Variants in MYO1E observed in about 807,000 individuals in gnomAD.
The protein encoded by MYO1E is unconventional myosin-Ie.
MYO1E carries 68 observed loss-of-function variants against 151.1 expected under a neutral mutation model. The observed-to-expected ratio is 0.45, with a 90% CI of 0.37 to 0.55. MYO1E has a LOEUF of 0.55. Ranked by LOEUF, MYO1E falls within the 20% of genes least tolerant of loss-of-function variation. The pLI is 0.00. For missense variants in MYO1E, 1,363 were observed against 1,389.3 expected, an observed-to-expected ratio of 0.98 and a Z score of 0.30; for synonymous variants, 601 against 501.7, an observed-to-expected ratio of 1.20 and a Z score of -2.64.
chr15:59,219,846 T>C (rs1223178680), intron 9 of MYO1E, among the ~76,000 whole-genome samples: 4 of 152,212 alleles, frequency 2.6e-5, no homozygotes, highest in African/African-American at 7.2e-5. Context: ...AAGTGGATAT[T>C]TGGAGCACTT....
rs553239739 is a variant in MYO1E at position 59,312,193 on chromosome 15, T to A, written c.4-39744A>T. 2.5e-4 allele frequency among the ~76,000 whole-genome samples: 38 copies of A among 152,310 alleles called. No individual in the cohort carries two copies. The South Asian group carries it at 7.9e-3, about 32-fold the overall frequency. ...TAAGAGCATCTAAGGGATGATCGTG[T>A]TCACAAATCAAATCAGTTCAGTCTA... On this transcript the variant is annotated intron_variant, in intron 1 of 27. Transcript: ENST00000288235.
chr15:59,287,524 G>C (rs548565567), intron 1 of MYO1E, among the ~76,000 whole-genome samples: 12 of 152,214 alleles, frequency 7.9e-5, no homozygotes, highest in Non-Finnish European at 1.5e-4. Context: ...CAAATAGGTA[G>C]ATTCTGCCTT....
chr15:59,182,061 A>T lies in MYO1E; in HGVS notation c.1905-3524T>A, dbSNP rs556593853. Among the ~76,000 whole-genome samples, 603 of 151,880 alleles carry T rather than the reference A, an allele frequency of 4.0e-3. 4 individuals are homozygous for T. The highest frequency in any genetic ancestry group is 0.014 in the South Asian group (66 of 4,810). On this transcript the variant is annotated intron_variant, in intron 18 of 27. Transcript: ENST00000288235. ...AAAATTGTGTTCTCTCCAGAGAAAT[A>T]CCCCCGCCCACTGATATAGTGGGAC... is the stretch of plus-strand genomic sequence containing the variant.
At position 59,191,061 on chromosome 15, in the gene MYO1E, G is replaced by C. The variant is rs534748286; in HGVS notation, c.1806-2845C>G. Reference sequence around the variant, plus strand: ...TGGCTGATGGGAAGGATGTCACAATGGGAGTGGTGTTTAAGAGTCTCCAGT... The same window carrying C: ...TGGCTGATGGGAAGGATGTCACAATCGGAGTGGTGTTTAAGAGTCTCCAGT... On this transcript the variant is annotated intron_variant, in intron 17 of 27. Transcript: ENST00000288235. Among the ~76,000 whole-genome samples the C allele has an allele frequency of 5.9e-5, 9 of 152,258 alleles. No individual in the cohort carries two copies. The South Asian group carries it at 1.9e-3, about 32-fold the overall frequency.
At chr15:59,320,580 T>C (rs1432064644) in intron 1 of MYO1E, among the ~76,000 whole-genome samples, 2 of 152,156 alleles carry the variant, frequency 1.3e-5, no homozygotes, top group Non-Finnish European at 2.9e-5. Context: ...AAATAAGCAA[T>C]GTGGAAAGAA....
At position 59,171,976 on chromosome 15, in the gene MYO1E, G is replaced by C; in HGVS notation, c.2401C>G (p.Gln801Glu). 1 of 1,614,208 alleles carries C rather than the reference G, an allele frequency of 6.2e-7. No individual in the cohort carries two copies. Among genetic ancestry groups the C allele is most frequent in the Non-Finnish European group, 8.5e-7 (1 of 1,180,040 alleles). Residue 801 changes from glutamine (Q) to glutamate (E), a missense_variant, in exon 22 of 28, where the codon CAG becomes GAG. Coordinates refer to ENST00000288235, the MANE Select transcript of MYO1E (RefSeq NM_004998.4). The part of the protein sequence containing the change: ...LYLIGREKVK[Q>E]GPDKGLVKEV... ...TTCACCAGGCCCTTGTCTGGGCCCT[G>C]TTTGACTTTTTCTCGTCCGATTAAG...
chr15:59,178,354 G>A (rs755420051), intron 19 of MYO1E, 39 bp downstream of exon 19: 37 of 1,611,552 alleles, frequency 2.3e-5, no homozygotes, highest in South Asian at 2.2e-4. Context: ...CGGGGGCCCC[G>A]CGGGAGGGAA....
chr15:59,158,170 G>A, intron 25 of MYO1E, 117 bp downstream of exon 25: 2 of 918,496 alleles, frequency 2.2e-6, no homozygotes, highest in Non-Finnish European at 3.5e-6. Flanking sequence ...CACTGAAATG[G>A]TCCATGCCTG....
At chr15:59,296,617 G>A (rs1040833003) in intron 1 of MYO1E, among the ~76,000 whole-genome samples, 12 of 152,106 alleles carry the variant, frequency 7.9e-5, no homozygotes, top group Non-Finnish European at 1.5e-4. Context: ...ACATCAACTG[G>A]AGTGACTTGA....
chr15:59,199,834 T>A lies in MYO1E; in HGVS notation c.1698+2492A>T, dbSNP rs143716391. Among the ~76,000 whole-genome samples, 515 of 152,308 alleles carry A rather than the reference T, an allele frequency of 3.4e-3. 3 individuals carry two copies. The highest frequency in any genetic ancestry group is 0.012 in the African/African-American group (499 of 41,558). On this transcript the variant is annotated intron_variant, in intron 16 of 27. Transcript: ENST00000288235. Reference sequence around the variant, plus strand: ...TGACAATGATGTCTGCAAATTACTGTAGATATGGAACGTATCAGCGATTGG... The same window carrying A: ...TGACAATGATGTCTGCAAATTACTGAAGATATGGAACGTATCAGCGATTGG...
intron 2 of MYO1E, 110 bp from the exon 3 acceptor site, chr15:59,261,619 T>C (rs1343140102): frequency 2.4e-5 from 18 of 748,694 alleles, no homozygotes; most frequent in Admixed American, 8.0e-5. Context: ...AGTGGAAAGT[T>C]TGTGTACTTG....
intron 4 of MYO1E, among the ~76,000 whole-genome samples, chr15:59,254,442 T>C (rs2080182848): frequency 3.3e-5 from 5 of 152,158 alleles, no homozygotes; most frequent in Admixed American, 3.3e-4. Context: ...TCCTGCCCCC[T>C]GGCTTCCCAA....
chr15:59,141,957 A>G (rs547951016), intron 26 of MYO1E, among the ~76,000 whole-genome samples: 2 of 149,730 alleles, frequency 1.3e-5, no homozygotes, highest in South Asian at 2.1e-4. Flanking sequence ...AATACAAAAA[A>G]TTAGCCGGGC....
At chr15:59,165,071 C>T (rs1227337832) in intron 22 of MYO1E, among the ~76,000 whole-genome samples, 1 of 152,210 alleles carries the variant, frequency 6.6e-6, no homozygotes, top group African/African-American at 2.4e-5. Context: ...CATCTGCCTG[C>T]ACCTTGACCT....
intron 2 of MYO1E, among the ~76,000 whole-genome samples, chr15:59,270,556 A>G (rs1173443723): frequency 1.3e-4 from 20 of 151,744 alleles, no homozygotes; most frequent in African/African-American, 4.8e-4. Context: ...AAAAAAAAAA[A>G]AAAGAAAAGA....
chr15:59,224,951 G>GCC (rs1270042943), intron 7 of MYO1E, 128 bp from the exon 8 acceptor site: 8 of 1,272,164 alleles, frequency 6.3e-6, no homozygotes, highest in Non-Finnish European at 8.9e-6. Context: ...GGCAGTCCTG[G>GCC]CCCCCAAATA....
chr15:59,324,681 G>A (rs1339787796), intron 1 of MYO1E, among the ~76,000 whole-genome samples: 1 of 147,888 alleles, frequency 6.8e-6, no homozygotes, highest in Non-Finnish European at 1.5e-5. Context: ...CCCACAGAGG[G>A]CAGCATACAG....
At chr15:59,165,055 A>T (rs1201681877) in intron 22 of MYO1E, among the ~76,000 whole-genome samples, 2 of 152,206 alleles carry the variant, frequency 1.3e-5, no homozygotes, top group Admixed American at 1.3e-4. Context: ...CCTTCACCAG[A>T]CACCACATCT....
chr15:59,153,133 C>G (rs1280292842), intron 26 of MYO1E, among the ~76,000 whole-genome samples: 1 of 152,236 alleles, frequency 6.6e-6, no homozygotes, highest in African/African-American at 2.4e-5. Context: ...CAGAGAGGCT[C>G]TCACTATAAA....
Sources: allele counts gnomAD v4.1 joint callset (sites outside exome capture counted in the v4.1 genomes callset), GRCh38; gene constraint gnomAD v4.1.1; transcripts MANE v1.5; gene names NCBI Gene and HGNC (gene_info 2026-07-23, HGNC 2026-07-21).